CFAP263: variants seen among roughly 807,000 people sequenced by gnomAD.
The protein encoded by CFAP263 is cilia- and flagella-associated protein 263.
chr16:58,250,596 A>C, the CFAP263 span, among the ~76,000 whole-genome samples: 2 of 151,964 alleles, frequency 1.3e-5, no homozygotes, highest in Non-Finnish European at 2.9e-5. Flanking sequence ...GAAACCCCGT[A>C]TCTACTAAAG....
At chr16:58,264,797 A>G in the CFAP263 span, among the ~76,000 whole-genome samples, 5 of 152,322 alleles carry the variant, frequency 3.3e-5, no homozygotes, top group Non-Finnish European at 7.3e-5. Context: ...GCAATCAGAA[A>G]ATGAAAATAA....
chr16:58,280,926 T>G, the CFAP263 span: 1 of 608,590 alleles, frequency 1.6e-6, no homozygotes, highest in African/African-American at 1.8e-5. Flanking sequence ...CACCACAAAT[T>G]CCAACAAGAT....
At chr16:58,256,654 G>C in the CFAP263 span, among the ~76,000 whole-genome samples, 1 of 152,166 alleles carries the variant, frequency 6.6e-6, no homozygotes, top group East Asian at 1.9e-4. Flanking sequence ...ACTTGAGTAG[G>C]AGAGCAATGT....
the CFAP263 span, among the ~76,000 whole-genome samples, chr16:58,267,023 C>T: frequency 3.9e-5 from 6 of 152,170 alleles, no homozygotes; most frequent in Admixed American, 3.9e-4. Context: ...ATAGCAGTAG[C>T]ACCCACCTCA....
chr16:58,250,160 C>T, the CFAP263 span: 1 of 1,257,044 alleles, frequency 8.0e-7, no homozygotes, highest in South Asian at 1.3e-5. Context: ...CCTCCTAGGC[C>T]CTCCTCTCCG....
the CFAP263 span, chr16:58,280,056 C>T: frequency 2.9e-6 from 2 of 694,204 alleles, no homozygotes; most frequent in South Asian, 3.9e-5. Context: ...GACCTTCCCA[C>T]ACCTGGGAGA....
chr16:58,268,615 C>A, the CFAP263 span, among the ~76,000 whole-genome samples: 1 of 152,100 alleles, frequency 6.6e-6, no homozygotes, highest in South Asian at 2.1e-4. Context: ...TTATTCACAT[C>A]TAAGTTTTGT....
the CFAP263 span, among the ~76,000 whole-genome samples, chr16:58,275,487 G>A: frequency 5.3e-5 from 8 of 152,096 alleles, no homozygotes; most frequent in South Asian, 1.2e-3. Context: ...AATTCCTTTG[G>A]GGGGTAAAAA....
At chr16:58,266,957 C>T in the CFAP263 span, among the ~76,000 whole-genome samples, 118 of 152,236 alleles carry the variant, frequency 7.8e-4, no homozygotes, top group African/African-American at 2.7e-3. Flanking sequence ...GTCTCTGTGA[C>T]CTTGGGGAAA....
chr16:58,262,528 C>T, the CFAP263 span: 1 of 1,606,138 alleles, frequency 6.2e-7, no homozygotes, highest in Non-Finnish European at 8.5e-7. Context: ...TGCAGGTTCT[C>T]AATGCCTACA....
the CFAP263 span, chr16:58,283,267 A>C: frequency 6.6e-6 from 1 of 152,238 alleles, no homozygotes; most frequent in African/African-American, 2.4e-5. Flanking sequence ...ACATGAGAAC[A>C]TATTTCCAAG....
chr16:58,273,633 C>G, the CFAP263 span, among the ~76,000 whole-genome samples: 1 of 152,158 alleles, frequency 6.6e-6, no homozygotes, highest in Non-Finnish European at 1.5e-5. Context: ...CTTTGAATAG[C>G]TCCTTTGAAG....
chr16:58,276,190 A>G, the CFAP263 span, among the ~76,000 whole-genome samples: 6 of 152,246 alleles, frequency 3.9e-5, no homozygotes, highest in South Asian at 2.1e-4. Context: ...TGTGAAAAAT[A>G]TTCTACCTCA....
the CFAP263 span, among the ~76,000 whole-genome samples, chr16:58,269,763 A>G: frequency 6.6e-6 from 1 of 152,212 alleles, no homozygotes; most frequent in Non-Finnish European, 1.5e-5. Context: ...AGGGATTATC[A>G]TGAGTCATCC....
the CFAP263 span, among the ~76,000 whole-genome samples, chr16:58,259,684 G>A: frequency 6.6e-6 from 1 of 152,122 alleles, no homozygotes; most frequent in African/African-American, 2.4e-5. Flanking sequence ...TCTTGGTCAT[G>A]AAATGTCATA....
chr16:58,259,810 A>G, the CFAP263 span: 1 of 1,251,012 alleles, frequency 8.0e-7, no homozygotes, highest in Admixed American at 1.9e-5. Flanking sequence ...GGGAAAAAGG[A>G]GAGAAATGGA....
chr16:58,276,278 G>C, the CFAP263 span, among the ~76,000 whole-genome samples: 1 of 152,214 alleles, frequency 6.6e-6, no homozygotes, highest in Admixed American at 6.5e-5. Flanking sequence ...AGATCAAAGA[G>C]TCGATAAAAC....
the CFAP263 span, among the ~76,000 whole-genome samples, chr16:58,262,804 T>TAGATAGATAGGTAGATAGATAGATAGAC: frequency 1.7e-3 from 257 of 151,410 alleles, no homozygotes; most frequent in Non-Finnish European, 2.1e-3. Flanking sequence ...GATAGATAGA[T>TAGATAGATAGGTAGATAGATAGATAGAC]AGACAGATGC....
the CFAP263 span, chr16:58,262,643 G>A: frequency 9.6e-7 from 1 of 1,041,224 alleles, no homozygotes; most frequent in Non-Finnish European, 1.4e-6. Context: ...CAGCGTTTGG[G>A]TGCCCCCTCG....
Sources: allele counts gnomAD v4.1 joint callset (sites outside exome capture counted in the v4.1 genomes callset), GRCh38; gene constraint gnomAD v4.1.1; transcripts MANE v1.5; gene names NCBI Gene and HGNC (gene_info 2026-07-23, HGNC 2026-07-21).